The following GBP4 variants were observed in gnomAD, a reference collection of about 807,000 sequenced individuals.
GBP4 encodes guanylate binding protein 4, also known as guanylate-binding protein 4.
GBP4 carries 69 observed loss-of-function variants against 62.2 expected under a neutral mutation model. The ratio of observed to expected loss-of-function variants is 1.11; its 90% CI spans 0.91 to 1.36. The LOEUF (loss-of-function observed/expected upper bound fraction) is 1.36, where lower values mean the gene tolerates loss of function less well. Ranked by LOEUF, GBP4 falls within the 40% of genes most tolerant of loss-of-function variation. The probability of loss-of-function intolerance (pLI) is 0.00; values close to 1 mark genes in which losing one functional copy is unlikely to be tolerated. For synonymous variants in GBP4, 278 were observed against 274.6 expected, an observed-to-expected ratio of 1.01 and a Z score of -0.12; for missense variants, 697 against 759.3, an observed-to-expected ratio of 0.92 and a Z score of 0.96.
intron 1 of GBP4, 52 bp downstream of exon 1, chr1:89,198,743 G>A: frequency 6.7e-7 from 1 of 1,503,690 alleles, no homozygotes; most frequent in Admixed American, 1.7e-5. Context: ...ATTTGTTGTT[G>A]TTTGTTATAA....
chr1:89,188,845 G>A (rs767063534), intron 7 of GBP4, 51 bp from the exon 8 acceptor site: 2 of 1,584,702 alleles, frequency 1.3e-6, no homozygotes, highest in Admixed American at 3.3e-5. Context: ...TAGAAGGGAA[G>A]GTCCAACTGT....
At chr1:89,191,611 TA>T (rs1241100725) in intron 5 of GBP4, 105 bp from the exon 6 acceptor site, 1 of 1,159,364 alleles carries the variant, frequency 8.6e-7, no homozygotes, top group Non-Finnish European at 1.2e-6. Context: ...CCCTGCCTTG[TA>T]AATCTTGTTT....
chr1:89,185,384 T>G lies in GBP4; in HGVS notation c.1793A>C (p.Glu598Ala). Residue 598 changes from glutamate to alanine, a missense_variant, in exon 11 of 11, where the codon GAA (glutamate) becomes GCA (alanine). Transcript: ENST00000355754. ...KEINQLKEKI[E>A]STKNEQLRLL... ...CCTTAACTGTTCATTTTTAGTGCTT[T>G]CAATTTTTTCTTTCAGTTGATTAAT... is the stretch of plus-strand genomic sequence containing the variant. 6.3e-7 allele frequency: 1 copy of G among 1,597,742 alleles called. No homozygotes were observed. The highest frequency in any genetic ancestry group is 8.6e-7 in the Non-Finnish European group (1 of 1,165,102).
chr1:89,188,908 G>A (rs1424046028), intron 7 of GBP4, 114 bp from the exon 8 acceptor site: 9 of 1,036,542 alleles, frequency 8.7e-6, no homozygotes, highest in Non-Finnish European at 1.2e-5. Flanking sequence ...GGGATATGGT[G>A]TAGACCAAGA....
chr1:89,185,743 C>T (rs768221598), intron 10 of GBP4, among the ~76,000 whole-genome samples: 8 of 152,144 alleles, frequency 5.3e-5, no homozygotes, highest in Non-Finnish European at 8.8e-5. Flanking sequence ...AGAGGGAATG[C>T]AGGTTTAATT....
In GBP4 at chr1:89,190,258, A is replaced by G; in HGVS notation, c.977T>C (p.Leu326Pro). ...GGCCAGTGCTGTCACTGCATTCTCC[A>G]GACAAGGTACTGCTCCACTGTTGAT... ...DAINSGAVPCLENAVTALAQL... is the reference protein window; with the variant it reads ...DAINSGAVPCPENAVTALAQL... The change falls in exon 7 of 11, where the codon CTG (leucine) becomes CCG (proline). Residue 326 changes from leucine to proline, a missense_variant. Leu to Pro is a moderately conservative substitution (Grantham distance 98). Around this residue, in one of 2 missense-constraint regions of GBP4, gnomAD observed 556 missense variants for 562.7 expected, o/e 0.99. Transcript: ENST00000355754. 6.2e-7 allele frequency: 1 copy of G among 1,614,168 alleles called. No homozygotes were observed.
At chr1:89,195,474 T>G (rs769906462) in intron 2 of GBP4, 50 bp from the exon 3 acceptor site, 1 of 1,605,280 alleles carries the variant, frequency 6.2e-7, no homozygotes, top group South Asian at 1.1e-5. Context: ...TAGACCAGGA[T>G]GTCCCAGGAT....
chr1:89,195,274 G>C (rs1231658590), intron 3 of GBP4, 23 bp downstream of exon 3: 2 of 1,612,190 alleles, frequency 1.2e-6, no homozygotes, highest in African/African-American at 2.7e-5. Context: ...TCAACCATGA[G>C]CGGTGAAGTT....
Position 89,190,028 on chromosome 1 carries a change from C to T in GBP4, c.1197+10G>A, listed in dbSNP as rs749330638. The T allele has an allele frequency of 3.3e-5, 53 of 1,600,104 alleles. No homozygotes were observed. Among genetic ancestry groups the T allele is most frequent in the Non-Finnish European group, 4.4e-5 (52 of 1,171,330 alleles). On this transcript the variant is annotated intron_variant, in intron 7 of 10. Coordinates refer to ENST00000355754, the MANE Select transcript of GBP4 (RefSeq NM_052941.5). ...GGGCAGAAATCAGGAAGGATAAATG[C>T]TAAAAGTACCACAAGCTTCTTCTGG...
rs757416951 is a variant in GBP4, at chr1:89,185,358, G to A, written c.1819C>T (p.Leu607Phe). The change falls in exon 11 of 11, where the codon CTC becomes TTC. Residue 607 changes from leucine (L) to phenylalanine (F), a missense_variant. Coordinates refer to ENST00000355754, the MANE Select transcript of GBP4 (RefSeq NM_052941.5). ...CTAGCCATGTCAAGGATCTTTAAGA[G>A]CCTTAACTGTTCATTTTTAGTGCTT... ...IESTKNEQLR[L>F]LKILDMASNI... is the part of the protein sequence containing the mutation. The A allele has an allele frequency of 6.2e-7, 1 of 1,605,374 alleles. No homozygotes were observed. The highest frequency in any genetic ancestry group is 8.5e-7 in the Non-Finnish European group (1 of 1,172,030).
chr1:89,193,335 G>C lies in GBP4; in HGVS notation c.441C>G (p.Ser147Arg). 1 of 1,614,120 alleles carries C rather than the reference G, an allele frequency of 6.2e-7. No homozygotes were observed. The highest frequency in any genetic ancestry group is 2.2e-5 in the East Asian group (1 of 44,878). The change falls in exon 4 of 11, where the codon AGC (serine) becomes AGG (arginine). Residue 147 changes from serine to arginine, a missense_variant. Ser to Arg is a moderately radical substitution (Grantham distance 110). Around this residue, in one of 2 missense-constraint regions of GBP4, gnomAD observed 556 missense variants for 562.7 expected, o/e 0.99. Transcript: ENST00000355754. ...GCTCCAGGGCCTGGTGGTTGATGGT[G>C]CTCACGCTGTTATAGACAAAGCTGC... ...LSSSFVYNSV[S>R]TINHQALEQL...
At chr1:89,194,846 C>A (rs756491430) in intron 3 of GBP4, among the ~76,000 whole-genome samples, 1 of 152,238 alleles carries the variant, frequency 6.6e-6, no homozygotes, top group Non-Finnish European at 1.5e-5. Context: ...CAACCCCACA[C>A]GCCTTAAATA....
chr1:89,190,087 A>C lies in GBP4; in HGVS notation c.1148T>G (p.Met383Arg). ...ACEREAIAVF[M>R]EHSFKDENHE... ...GTTTTCATCCTTGAAGGAGTGCTCC[A>C]TGAAGACTGCAATGGCTTCCCTCTC... The change falls in exon 7 of 11, where the codon ATG becomes AGG. Residue 383 changes from methionine (M) to arginine (R), a missense_variant. Physicochemically the swap from Met to Arg is moderately conservative, Grantham distance 91. Around this residue, in one of 2 missense-constraint regions of GBP4, gnomAD observed 556 missense variants for 562.7 expected, o/e 0.99. Transcript: ENST00000355754. 1.2e-6 allele frequency: 2 copies of C among 1,614,170 alleles called. No individual in the cohort carries two copies. The highest frequency in any genetic ancestry group is 1.7e-6 in the Non-Finnish European group (2 of 1,180,002).
At position 89,185,216 on chromosome 1, in the gene GBP4, C is replaced by A. The variant is rs746301492; in HGVS notation, c.*38G>T. ...TGTTATGTTATTAAAATAAAATAAA[C>A]CTCATTTTATATTTTCTTACCTGGA... On this transcript the variant is annotated 3_prime_UTR_variant, in exon 11 of 11. Transcript: ENST00000355754. 8.3e-7 allele frequency: 1 copy of A among 1,205,960 alleles called. No individual in the cohort carries two copies. The highest frequency in any genetic ancestry group is 2.3e-5 in the East Asian group (1 of 42,880). The allele number at this position is 1,205,960 out of a possible 1,614,324, so 74.7% of individuals were successfully genotyped here.
At chr1:89,198,040 A>C (rs1329679166) in intron 1 of GBP4, among the ~76,000 whole-genome samples, 46 of 152,150 alleles carry the variant, frequency 3.0e-4, no homozygotes, top group Non-Finnish European at 7.3e-5. Context: ...GGGTCTAGTT[A>C]AAACAATCCT....
intron 2 of GBP4, among the ~76,000 whole-genome samples, chr1:89,196,787 A>G (rs1365663574): frequency 2.0e-5 from 3 of 149,520 alleles, no homozygotes; most frequent in Non-Finnish European, 4.4e-5. Context: ...TTTGTGTGCT[A>G]TTTGAAGTGA....
chr1:89,191,887 G>A (rs904571049), intron 5 of GBP4, among the ~76,000 whole-genome samples: 6 of 152,084 alleles, frequency 3.9e-5, no homozygotes, highest in Non-Finnish European at 8.8e-5. Context: ...GTGAAACATG[G>A]GCCCTAAATT....
chr1:89,197,065 T>C (rs377718603), intron 2 of GBP4, 45 bp downstream of exon 2: 1 of 1,539,568 alleles, frequency 6.5e-7, no homozygotes, highest in Non-Finnish European at 8.9e-7. Flanking sequence ...AGCTGTGTTA[T>C]CACTGGTTCC....
chr1:89,181,271 T>A lies in GBP4; in HGVS notation c.*3983A>T, dbSNP rs1329360933. 6.6e-6 allele frequency: 1 copy of A among 151,892 alleles called. No homozygotes were observed. Among genetic ancestry groups the A allele is most frequent in the Non-Finnish European group, 1.5e-5 (1 of 67,990 alleles). 9.4% of individuals were successfully genotyped at this position (151,892 alleles called of 1,614,324 possible). On this transcript the variant is annotated 3_prime_UTR_variant, in exon 11 of 11. Transcript: ENST00000355754. ...TTGGGTTGGTAAAGGAAAATTACAG[T>A]CAAAGGGGGTTGTTCTCTGGCGGGC...
Sources: gnomAD v4.1 joint callset for allele counts (sites outside exome capture counted in the v4.1 genomes callset) on GRCh38, gnomAD v4.1.1 for gene constraint, gnomAD v4.1.1 regional missense constraint, MANE v1.5 for transcripts, NCBI Gene and HGNC (gene_info 2026-07-23, HGNC 2026-07-21) for gene names.